The following CORO7 variants were observed in gnomAD, a reference collection of about 807,000 sequenced individuals.
The protein encoded by CORO7 is coronin-7.
A neutral mutation model predicts 126.6 loss-of-function variants in CORO7; 107 were observed. The observed-to-expected ratio is 0.85, with a 90% CI of 0.72 to 0.99. The LOEUF is 0.99. Among genes scored for constraint, CORO7 ranks in the 50% least tolerant of loss-of-function variants. CORO7 has a pLI of 0.00. For synonymous variants in CORO7, 603 were observed against 536.8 expected (o/e 1.12, Z -1.70); for missense variants, 1,314 against 1,255.8 (o/e 1.05, Z -0.70).
chr16:4,355,340 G>C lies in CORO7; in HGVS notation c.2718C>G (p.Asn906Lys), dbSNP rs1397393537. ...LLNAMVAKLGNREDPLPQDSF... is the reference protein window; with the variant it reads ...LLNAMVAKLGKREDPLPQDSF... ...AGTCCTGGGGGAGTGGGTCCTCCCGGTTCCCCAGTTTTGCCACCATGGCAT... is the reference window on the plus strand; with the variant it reads ...AGTCCTGGGGGAGTGGGTCCTCCCGCTTCCCCAGTTTTGCCACCATGGCAT... Residue 906 changes from asparagine to lysine, a missense_variant, in exon 27 of 28, where the codon AAC (asparagine) becomes AAG (lysine). By Grantham distance (94) the Asn-to-Lys change is moderately conservative. Transcript: ENST00000251166. The C allele has an allele frequency of 1.2e-6, 2 of 1,612,360 alleles. No homozygotes were observed. The highest frequency in any genetic ancestry group is 1.7e-6 in the Non-Finnish European group (2 of 1,179,938).
At chr16:4,382,938 C>T (rs1453305397) in intron 9 of CORO7, 9 of 1,456,704 alleles carry the variant, frequency 6.2e-6, no homozygotes, top group Non-Finnish European at 8.2e-6. Flanking sequence ...GGGCTCTCAG[C>T]CAGTGAGATG....
At chr16:4,400,909 G>A (rs2055778872) in intron 6 of CORO7, among the ~76,000 whole-genome samples, 1 of 151,980 alleles carries the variant, frequency 6.6e-6, no homozygotes, top group African/African-American at 2.4e-5. Context: ...TGGGGGAGGA[G>A]GTAAGGAATA....
intron 21 of CORO7, 66 bp downstream of exon 21, chr16:4,360,212 T>C: frequency 1.2e-6 from 2 of 1,602,908 alleles, no homozygotes; most frequent in Non-Finnish European, 1.7e-6. Context: ...CAAATGTATG[T>C]GACTGTGGAG....
Position 4,401,671 on chromosome 16 carries a change from G to C in CORO7, c.564+3820C>G, listed in dbSNP as rs534325966. On this transcript the variant is annotated intron_variant, in intron 6 of 27. Coordinates refer to ENST00000251166, the MANE Select transcript of CORO7 (RefSeq NM_024535.5). ...CAGAGCACAATGACAGAGCGGGCCA[G>C]AGAGAGCAAGTAGAGATCAAGGACA... Among the ~76,000 whole-genome samples the C allele has an allele frequency of 1.1e-4, 17 of 152,314 alleles. No homozygotes were observed. In the East Asian group the frequency reaches 3.1e-3, roughly 28 times the overall value.
chr16:4,368,767 A>G (rs2054427220), intron 9 of CORO7, among the ~76,000 whole-genome samples: 1 of 151,576 alleles, frequency 6.6e-6, no homozygotes. Context: ...AAAAAAAAAA[A>G]TCACATCAGC....
intron 21 of CORO7, among the ~76,000 whole-genome samples, chr16:4,359,968 A>AC (rs1261469550): frequency 4.7e-4 from 24 of 51,472 alleles, no homozygotes; most frequent in East Asian, 1.5e-3. Context: ...CATCTCCCCT[A>AC]CCCCCCTCAC....
chr16:4,410,790 A>G (rs2056176019), intron 3 of CORO7, among the ~76,000 whole-genome samples: 1 of 152,234 alleles, frequency 6.6e-6, no homozygotes, highest in Non-Finnish European at 1.5e-5. Context: ...AGGGCTCAAC[A>G]GTCTCGGTCA....
At chr16:4,415,480 G>A (rs1485819704) in intron 1 of CORO7, among the ~76,000 whole-genome samples, 1 of 152,072 alleles carries the variant, frequency 6.6e-6, no homozygotes, top group Non-Finnish European at 1.5e-5. Flanking sequence ...TTGTTTGTCT[G>A]CTTGCTGTCT....
chr16:4,359,537 G>A lies in CORO7; in HGVS notation c.2193C>T (p.Pro731=), dbSNP rs573840687. The A allele has an allele frequency of 2.5e-6, 4 of 1,613,380 alleles. No individual in the cohort carries two copies. Among genetic ancestry groups the A allele is most frequent in the East Asian group, 4.5e-5 (2 of 44,868 alleles). Residue 731 remains proline (P), a synonymous_variant, in exon 22 of 28, where the codon CCC becomes CCT. Transcript: ENST00000251166. ...PLAVLGLDVA[P]STLLPSYDPD... Reference sequence around the variant, plus strand: ...GGTCGTAGCTGGGCAGCAGGGTTGAGGGAGCCACGTCCAGGCCCAACACTG... The same window carrying A: ...GGTCGTAGCTGGGCAGCAGGGTTGAAGGAGCCACGTCCAGGCCCAACACTG...
intron 6 of CORO7, among the ~76,000 whole-genome samples, chr16:4,397,024 A>C (rs983059856): frequency 6.6e-6 from 1 of 150,978 alleles, no homozygotes; most frequent in Admixed American, 6.6e-5. Flanking sequence ...TCAAAAAAAA[A>C]AAAAAAGAAA....
chr16:4,406,618 T>TTTTTTTG (rs769185631), intron 5 of CORO7, among the ~76,000 whole-genome samples: 1 of 150,580 alleles, frequency 6.6e-6, no homozygotes, highest in South Asian at 2.1e-4. Context: ...TTTTTTTTGG[T>TTTTTTTG]TTTTTTGTTT....
At chr16:4,403,269 C>T (rs887587588) in intron 6 of CORO7, among the ~76,000 whole-genome samples, 1 of 152,178 alleles carries the variant, frequency 6.6e-6, no homozygotes, top group African/African-American at 2.4e-5. Context: ...CAGGCCGCCC[C>T]CCACTCCCGG....
chr16:4,414,289 G>A (rs1219104908), intron 1 of CORO7: 2 of 151,944 alleles, frequency 1.3e-5, no homozygotes, highest in African/African-American at 4.8e-5. Flanking sequence ...ACCAAGGCCT[G>A]GCCTCATCAG....
At chr16:4,376,058 CCCCCGCTCAATCACCAGCCAGGGGT>C (rs2054716121) in intron 9 of CORO7, among the ~76,000 whole-genome samples, 2 of 152,202 alleles carry the variant, frequency 1.3e-5, no homozygotes, top group Non-Finnish European at 2.9e-5. Context: ...CCCATGGGGA[CCCCCGCTCAATCACCAGCCAGGGGT>C]CCCCGCGCCT....
At chr16:4,378,521 G>A (rs1282350059) in intron 9 of CORO7, among the ~76,000 whole-genome samples, 2 of 152,166 alleles carry the variant, frequency 1.3e-5, no homozygotes, top group East Asian at 1.9e-4. Context: ...AGGCCAGGCC[G>A]CACCCGCCGT....
intron 9 of CORO7, among the ~76,000 whole-genome samples, chr16:4,385,622 G>A (rs186541398): frequency 7.9e-5 from 12 of 152,286 alleles, no homozygotes; most frequent in Admixed American, 7.8e-4. Flanking sequence ...CACACAAAGT[G>A]CTGGGCAGCC....
At chr16:4,359,983 C>T (rs2054109962) in intron 21 of CORO7, among the ~76,000 whole-genome samples, 1 of 134,592 alleles carries the variant, frequency 7.4e-6, no homozygotes, top group Non-Finnish European at 1.6e-5. Flanking sequence ...CCTCACCCTC[C>T]CCTGCATCCA....
intron 3 of CORO7, among the ~76,000 whole-genome samples, chr16:4,411,644 A>G (rs1308271710): frequency 1.3e-5 from 2 of 152,136 alleles, no homozygotes; most frequent in African/African-American, 4.8e-5. Flanking sequence ...ATTAACCACC[A>G]TCATTATCAT....
At chr16:4,381,150 G>T in intron 9 of CORO7, 1 of 1,610,664 alleles carries the variant, frequency 6.2e-7, no homozygotes. Context: ...TCGCCAGCCT[G>T]CCCAGCGGGG....
Sources: allele counts gnomAD v4.1 joint callset (sites outside exome capture counted in the v4.1 genomes callset), GRCh38; gene constraint gnomAD v4.1.1; transcripts MANE v1.5; gene names NCBI Gene and HGNC (gene_info 2026-07-23, HGNC 2026-07-21).